Variants in TLCD3B observed in about 807,000 individuals in gnomAD.
TLCD3B encodes ceramide synthase.
In TLCD3B, 9 loss-of-function variants were observed where a neutral mutation model predicts 23.0. The ratio of observed to expected loss-of-function variants is 0.39; its 90% CI spans 0.24 to 0.68. TLCD3B has a LOEUF of 0.68. Among genes scored for constraint, TLCD3B ranks in the 30% least tolerant of loss-of-function variants. The pLI, the probability that TLCD3B is intolerant of heterozygous loss-of-function variation, is 0.44. For missense variants in TLCD3B, 307 were observed against 371.8 expected (o/e 0.83, Z 1.43); for synonymous variants, 161 against 161.0 (o/e 1.00, Z 0.00).
At chr16:30,026,903 G>T in intron 2 of TLCD3B, 60 bp from the exon 3 acceptor site, 1 of 1,449,684 alleles carries the variant, frequency 6.9e-7, no homozygotes, top group Non-Finnish European at 9.6e-7. Flanking sequence ...AGTGATTGGG[G>T]TCAGATCTCA....
intron 2 of TLCD3B, 24 bp from the exon 3 acceptor site, chr16:30,026,867 G>A (rs1205952712): frequency 1.2e-6 from 2 of 1,601,622 alleles, no homozygotes; most frequent in Non-Finnish European, 1.7e-6. Flanking sequence ...AGACGGGGTG[G>A]GGGAGCAAGG....
chr16:30,031,883 G>A (rs1402325983), upstream of TLCD3B, among the ~76,000 whole-genome samples: 3 of 152,182 alleles, frequency 2.0e-5, no homozygotes, highest in South Asian at 2.1e-4. Flanking sequence ...CATTGCAGGC[G>A]TTGGAGGGGC....
chr16:30,036,902 T>C (rs754277510), intron 3 of TLCD3B, among the ~76,000 whole-genome samples: 13 of 151,064 alleles, frequency 8.6e-5, no homozygotes, highest in Non-Finnish European at 1.0e-4. Context: ...CTGGCTAACA[T>C]GGGGAAACCC....
chr16:30,025,672 T>C lies in TLCD3B; in HGVS notation c.540+54A>G. 1 of 1,564,864 alleles carries C rather than the reference T, an allele frequency of 6.4e-7. No homozygotes were observed. Among genetic ancestry groups the C allele is most frequent in the South Asian group, 1.1e-5 (1 of 90,080 alleles). On this transcript the variant is annotated intron_variant, in intron 4 of 4. Coordinates refer to ENST00000380495, the MANE Select transcript of TLCD3B (RefSeq NM_031478.6). The surrounding 1 kb of genome is among the most constrained non-coding windows in gnomAD (Gnocchi z 4.1). ...CCTTGGCAGCAACCTTGAAGGTCCC[T>C]CCCCTTCCTGTGACCTCCCCATTGG... is the stretch of plus-strand genomic sequence containing the variant.
intron 2 of TLCD3B, chr16:30,041,160 A>T (rs886464534): frequency 6.6e-6 from 1 of 152,174 alleles, no homozygotes; most frequent in Non-Finnish European, 1.5e-5. Flanking sequence ...GGCTTGTCTG[A>T]GAGAGAAAAT....
In TLCD3B at chr16:30,043,985, A is replaced by G. The variant is rs116462120; in HGVS notation, c.-229+2338T>C. Among the ~76,000 whole-genome samples the G allele has an allele frequency of 9.5e-3, 1,420 of 148,996 alleles. 16 individuals are homozygous for G. The highest frequency in any genetic ancestry group is 0.033 in the African/African-American group (1,332 of 40,360). Reference sequence around the variant, plus strand: ...GCTGGGATTATAGGTGTGAACCACCATGGTTAGCATGAGCTAACCATGTCC... The same window carrying G: ...GCTGGGATTATAGGTGTGAACCACCGTGGTTAGCATGAGCTAACCATGTCC... On this transcript the variant is annotated intron_variant, in intron 2 of 6. Transcript: ENST00000561666.
chr16:30,052,508 T>A (rs1445115029), intron 1 of TLCD3B, among the ~76,000 whole-genome samples: 1 of 150,776 alleles, frequency 6.6e-6, no homozygotes, highest in Non-Finnish European at 1.5e-5. Context: ...ACCAGCCTGG[T>A]CAACATTGCG....
Position 30,025,941 on chromosome 16 carries a change from CCTGGGTGCAGGG to C in TLCD3B, c.445-132_445-121del. Reference sequence around the variant, plus strand: ...ATGCTTGACTCTGAACATCAGAACACCTGGGTGCAGGGCTGGGTGCAGTGGCTCACGCCGGTA... The same window carrying C: ...ATGCTTGACTCTGAACATCAGAACACCTGGGTGCAGTGGCTCACGCCGGTA... On this transcript the variant is annotated intron_variant, in intron 3 of 4. Transcript: ENST00000380495. The surrounding 1 kb of genome is among the most constrained non-coding windows in gnomAD (Gnocchi z 4.1). The C allele has an allele frequency of 1.3e-6, 1 of 768,156 alleles. No individual in the cohort carries two copies. The highest frequency in any genetic ancestry group is 2.2e-6 in the Non-Finnish European group (1 of 460,910). 47.6% of individuals were successfully genotyped at this position (768,156 alleles called of 1,614,324 possible). A position where few individuals can be genotyped will look rare whatever the true frequency, so the allele number is the denominator to read the frequency against.
At chr16:30,049,730 G>A (rs1436049983) in intron 1 of TLCD3B, among the ~76,000 whole-genome samples, 1 of 152,094 alleles carries the variant, frequency 6.6e-6, no homozygotes, top group Non-Finnish European at 1.5e-5. Context: ...TTTAAGACTA[G>A]CCTGGCCAAC....
chr16:30,044,492 A>T (rs1366664261), intron 2 of TLCD3B, among the ~76,000 whole-genome samples: 8 of 151,040 alleles, frequency 5.3e-5, no homozygotes, highest in Non-Finnish European at 7.4e-5. Flanking sequence ...TATTTTTTTT[A>T]GTAGAGACAG....
intron 2 of TLCD3B, among the ~76,000 whole-genome samples, chr16:30,028,768 A>C (rs1487975952): frequency 1.3e-5 from 2 of 151,972 alleles, no homozygotes; most frequent in Non-Finnish European, 2.9e-5. Flanking sequence ...CGTTGTGGGC[A>C]CCTCTAAGGC....
chr16:30,039,269 A>T (rs577163832), intron 3 of TLCD3B, among the ~76,000 whole-genome samples: 42 of 151,962 alleles, frequency 2.8e-4, no homozygotes, highest in South Asian at 2.3e-3. Context: ...GATTACAGCC[A>T]TGCGCCACCA....
chr16:30,026,713 C>G lies in TLCD3B; in HGVS notation c.340G>C (p.Ala114Pro), dbSNP rs770943688. Residue 114 changes from alanine to proline, a missense_variant, in exon 3 of 5, where the codon GCC (alanine) becomes CCC (proline). Physicochemically the swap from Ala to Pro is conservative, Grantham distance 27. Transcript: ENST00000380495. ...GHGGDDGAAR[A>P]PGSTWAIARG... is the part of the protein sequence containing the mutation. ...GCTATGGCCCACGTGCTGCCCGGGG[C>G]TCTGGCCGCTCCGTCGTCCCCTCCA... 5 of 1,613,920 alleles carry G rather than the reference C, an allele frequency of 3.1e-6. No individual in the cohort carries two copies. In the East Asian group the frequency reaches 1.1e-4, roughly 36 times the overall value.
Position 30,025,419 on chromosome 16 carries a change from G to C in TLCD3B, c.589C>G (p.Leu197Val). The C allele has an allele frequency of 6.2e-7, 1 of 1,612,470 alleles. No individual in the cohort carries two copies. Among genetic ancestry groups the C allele is most frequent in the Middle Eastern group, 1.7e-4 (1 of 6,060 alleles). Reference sequence around the variant, plus strand: ...ACCCGGCAGCAGAGGAAGCTGAGCAGCATCAGGGCCCCGTTCACCTTGTGC... The same window carrying C: ...ACCCGGCAGCAGAGGAAGCTGAGCACCATCAGGGCCCCGTTCACCTTGTGC... Reference protein sequence around the residue: ...LLHKVNGALMLLSFLCCRVLL... With the variant: ...LLHKVNGALMVLSFLCCRVLL... Residue 197 changes from leucine (L) to valine (V), a missense_variant, in exon 5 of 5, where the codon CTG becomes GTG. Leu to Val is a conservative substitution (Grantham distance 32). Coordinates refer to ENST00000380495, the MANE Select transcript of TLCD3B (RefSeq NM_031478.6). The surrounding 1 kb of genome is among the most constrained non-coding windows in gnomAD (Gnocchi z 4.1).
In TLCD3B at chr16:30,024,443, C is replaced by T. The variant is rs1406841954; in HGVS notation, c.*740G>A. ...GGGCCTTGGTGGCGTTCACGCAGAT[C>T]GTCTTTTATTAGCGGTCTGTAAAGC... On this transcript the variant is annotated 3_prime_UTR_variant, in exon 5 of 5. Transcript: ENST00000380495. 3 of 659,580 alleles carry T rather than the reference C, an allele frequency of 4.5e-6. No homozygotes were observed. Among genetic ancestry groups the T allele is most frequent in the South Asian group, 2.0e-5 (1 of 49,240 alleles). 40.9% of individuals were successfully genotyped at this position (659,580 alleles called of 1,614,324 possible). A position where few individuals can be genotyped will look rare whatever the true frequency, so the allele number is the denominator to read the frequency against.
At chr16:30,039,841 A>G (rs564519524) in intron 3 of TLCD3B, among the ~76,000 whole-genome samples, 315 of 151,966 alleles carry the variant, frequency 2.1e-3, no homozygotes, top group Middle Eastern at 3.4e-3. Context: ...ATTAAAAGTT[A>G]AACCAAGAGC....
At chr16:30,039,257 G>A (rs2071536620) in intron 3 of TLCD3B, among the ~76,000 whole-genome samples, 1 of 151,944 alleles carries the variant, frequency 6.6e-6, no homozygotes, top group South Asian at 2.1e-4. Context: ...CCGAGTAGCT[G>A]GGATTACAGC....
intron 1 of TLCD3B, among the ~76,000 whole-genome samples, chr16:30,049,446 C>T (rs955868946): frequency 6.6e-6 from 1 of 152,142 alleles, no homozygotes; most frequent in African/African-American, 2.4e-5. Flanking sequence ...TCTGATCTCC[C>T]ACCCACCCCA....
chr16:30,034,647 C>T (rs74015004), upstream of TLCD3B, among the ~76,000 whole-genome samples: 23 of 152,200 alleles, frequency 1.5e-4, no homozygotes, highest in East Asian at 1.7e-3. Flanking sequence ...TTATCAGTGG[C>T]TGGAGCTGAG....
Sources: allele counts gnomAD v4.1 joint callset (sites outside exome capture counted in the v4.1 genomes callset), GRCh38; gene constraint gnomAD v4.1.1; non-coding constraint Gnocchi (gnomAD v3.1); transcripts MANE v1.5; gene names NCBI Gene and HGNC (gene_info 2026-07-23, HGNC 2026-07-21).